The following ADAMTS12 variants were observed in gnomAD, a reference collection of about 807,000 sequenced individuals.
ADAMTS12 encodes A disintegrin and metalloproteinase with thrombospondin motifs 12.
Under a neutral mutation model 167.8 loss-of-function variants are expected in ADAMTS12, and 118 were observed. The observed-to-expected ratio is 0.70, with a 90% CI of 0.61 to 0.82. ADAMTS12 has a LOEUF of 0.82. Among genes scored for constraint, ADAMTS12 ranks in the 40% least tolerant of loss-of-function variants. The pLI is 0.00. For missense variants in ADAMTS12, 1,916 were observed against 1,998.8 expected (o/e 0.96, Z 0.79); for synonymous variants, 704 against 716.9 (o/e 0.98, Z 0.29).
At chr5:33,651,115 A>G (rs1740854430) in intron 7 of ADAMTS12, among the ~76,000 whole-genome samples, 1 of 152,172 alleles carries the variant, frequency 6.6e-6, no homozygotes, top group African/African-American at 2.4e-5. Context: ...CCACACACCC[A>G]CAAAGAATGT....
intron 2 of ADAMTS12, among the ~76,000 whole-genome samples, chr5:33,774,126 C>T (rs1273642975): frequency 2.0e-5 from 3 of 152,150 alleles, no homozygotes; most frequent in Admixed American, 6.5e-5. Context: ...TCACTCGACC[C>T]TAATCTGGTC....
chr5:33,775,495 T>G (rs1211014914), intron 2 of ADAMTS12, among the ~76,000 whole-genome samples: 1 of 152,168 alleles, frequency 6.6e-6, no homozygotes, highest in Non-Finnish European at 1.5e-5. Flanking sequence ...CAAAGTTTCT[T>G]CCAATCAAAG....
chr5:33,690,041 T>C (rs900701887), intron 3 of ADAMTS12, among the ~76,000 whole-genome samples: 1 of 152,202 alleles, frequency 6.6e-6, no homozygotes, highest in Non-Finnish European at 1.5e-5. Flanking sequence ...TGCCAAGGCA[T>C]AATTGTGAGC....
At chr5:33,817,824 A>G (rs1028066009) in intron 2 of ADAMTS12, among the ~76,000 whole-genome samples, 2 of 152,154 alleles carry the variant, frequency 1.3e-5, no homozygotes, top group African/African-American at 4.8e-5. Context: ...CTCATTTTTT[A>G]AAATATGTGA....
chr5:33,856,642 T>A (rs774988463), intron 2 of ADAMTS12, among the ~76,000 whole-genome samples: 2 of 150,814 alleles, frequency 1.3e-5, no homozygotes, highest in Non-Finnish European at 2.9e-5. Context: ...AGCAAATACG[T>A]ATATGAAAAG....
chr5:33,878,220 T>G (rs1469156627), intron 2 of ADAMTS12, among the ~76,000 whole-genome samples: 1 of 152,096 alleles, frequency 6.6e-6, no homozygotes, highest in East Asian at 1.9e-4. Flanking sequence ...CAAATGAACT[T>G]GAATCCAGCC....
chr5:33,678,037 G>A (rs1561209695), intron 5 of ADAMTS12, among the ~76,000 whole-genome samples: 2 of 152,096 alleles, frequency 1.3e-5, no homozygotes, highest in Non-Finnish European at 2.9e-5. Context: ...TTACCCATGA[G>A]ATTTATTTAG....
rs546748934 is a variant in ADAMTS12, at chr5:33,551,933, C to A, written c.4126-2550G>T. On this transcript the variant is annotated intron_variant, in intron 20 of 23. Transcript: ENST00000504830. ...ATTTTCTTATTGCCTGAGAGGAAGG[C>A]CGTTTGTATTCCTGTTTTCCTAATG... Among the ~76,000 whole-genome samples the A allele has an allele frequency of 4.6e-5, 7 of 152,240 alleles. No individual in the cohort carries two copies. The South Asian group carries it at 1.4e-3, about 32-fold the overall frequency.
intron 16 of ADAMTS12, among the ~76,000 whole-genome samples, chr5:33,609,393 G>A (rs546990793): frequency 6.9e-6 from 1 of 144,268 alleles, no homozygotes; most frequent in Admixed American, 7.0e-5. Context: ...TTTTTGGAGA[G>A]AGGTTCTCAC....
intron 3 of ADAMTS12, among the ~76,000 whole-genome samples, chr5:33,717,145 A>G (rs1401048830): frequency 6.6e-6 from 1 of 150,618 alleles, no homozygotes; most frequent in African/African-American, 2.4e-5. Context: ...AGCTCTTTTC[A>G]TCCTTGTCAC....
At chr5:33,734,755 G>A (rs1434157237) in intron 3 of ADAMTS12, among the ~76,000 whole-genome samples, 1 of 152,198 alleles carries the variant, frequency 6.6e-6, no homozygotes, top group African/African-American at 2.4e-5. Flanking sequence ...CGGTGGGTGG[G>A]GGAGGAGGCT....
intron 2 of ADAMTS12, among the ~76,000 whole-genome samples, chr5:33,795,166 T>C (rs1746727384): frequency 6.6e-6 from 1 of 152,220 alleles, no homozygotes; most frequent in Admixed American, 6.5e-5. Context: ...ACAGGACCCA[T>C]GGGCTGAAAG....
chr5:33,743,982 G>C (rs1280462746), intron 3 of ADAMTS12, among the ~76,000 whole-genome samples: 1 of 152,010 alleles, frequency 6.6e-6, no homozygotes, highest in African/African-American at 2.4e-5. Context: ...CTATCCTCAG[G>C]GGTTAAACTG....
rs544233929 is a variant in ADAMTS12, at chr5:33,602,291, C to T, written c.2528-6231G>A. Among the ~76,000 whole-genome samples, 7 of 152,328 alleles carry T rather than the reference C, an allele frequency of 4.6e-5. No homozygotes were observed. The South Asian group carries it at 1.5e-3, about 32-fold the overall frequency. On this transcript the variant is annotated intron_variant, in intron 16 of 23. Transcript: ENST00000504830. ...AGATTAGCCACTCTGATTAAGGATTCTCATTTCTTCATTAGTGAACTACAA... is the reference window on the plus strand; with the variant it reads ...AGATTAGCCACTCTGATTAAGGATTTTCATTTCTTCATTAGTGAACTACAA...
At chr5:33,630,746 A>G (rs750907905) in intron 13 of ADAMTS12, 34 bp downstream of exon 13, 4 of 1,580,412 alleles carry the variant, frequency 2.5e-6, no homozygotes, top group South Asian at 1.1e-5. Context: ...TCATGATTTT[A>G]TAAAGTTGTA....
At chr5:33,722,648 C>T (rs1372206588) in intron 3 of ADAMTS12, among the ~76,000 whole-genome samples, 1 of 152,126 alleles carries the variant, frequency 6.6e-6, no homozygotes, top group African/African-American at 2.4e-5. Context: ...GAAACGAAGA[C>T]GATCTTTAGC....
intron 16 of ADAMTS12, among the ~76,000 whole-genome samples, chr5:33,597,919 G>A (rs1286223977): frequency 6.6e-6 from 1 of 152,170 alleles, no homozygotes; most frequent in Non-Finnish European, 1.5e-5. Flanking sequence ...ACCGTCAGAT[G>A]ACTGTAACAG....
At chr5:33,731,649 CT>C (rs1744198262) in intron 3 of ADAMTS12, among the ~76,000 whole-genome samples, 1 of 152,080 alleles carries the variant, frequency 6.6e-6, no homozygotes, top group South Asian at 2.1e-4. Context: ...GCTAAAAATC[CT>C]TTTTGGGACT....
chr5:33,619,505 C>A (rs1461066121), intron 14 of ADAMTS12, among the ~76,000 whole-genome samples: 2 of 152,082 alleles, frequency 1.3e-5, no homozygotes, highest in Non-Finnish European at 2.9e-5. Flanking sequence ...CATCTGATGT[C>A]TCTTGCAGAA....
Sources: allele counts gnomAD v4.1 joint callset (sites outside exome capture counted in the v4.1 genomes callset), GRCh38; gene constraint gnomAD v4.1.1; transcripts MANE v1.5; gene names NCBI Gene and HGNC (gene_info 2026-07-23, HGNC 2026-07-21).